Variants in ULK4 observed in about 807,000 individuals in gnomAD.
ULK4 encodes the protein unc-51 like kinase 4, also known as inactive serine/threonine-protein kinase ULK4.
A neutral mutation model predicts 160.6 loss-of-function variants in ULK4; 133 were observed. The ratio of observed to expected loss-of-function variants is 0.83; its 90% CI spans 0.72 to 0.96. The LOEUF (loss-of-function observed/expected upper bound fraction) is 0.96, where lower values mean the gene tolerates loss of function less well. Ranked by LOEUF, ULK4 falls within the 40% of genes least tolerant of loss-of-function variation. The pLI, the probability that ULK4 is intolerant of heterozygous loss-of-function variation, is 0.00. For missense variants in ULK4, 1,580 were observed against 1,499.5 expected (o/e 1.05, Z -0.89); for synonymous variants, 534 against 539.8 (o/e 0.99, Z 0.15).
At chr3:41,378,526 G>A (rs571546056) in intron 35 of ULK4, among the ~76,000 whole-genome samples, 11 of 149,530 alleles carry the variant, frequency 7.4e-5, no homozygotes, top group East Asian at 2.1e-4. Flanking sequence ...GCAAACTATC[G>A]CAAGGACAAA....
rs180771173 is a variant in ULK4, at chr3:41,789,960, T to C, written c.2011-117A>G. 63 of 948,660 alleles carry C rather than the reference T, an allele frequency of 6.6e-5. No homozygotes were observed. In the African/African-American group the frequency reaches 9.8e-4, roughly 15 times the overall value. The allele number at this position is 948,660 out of a possible 1,614,324, so 58.8% of individuals were successfully genotyped here. A position where few individuals can be genotyped will look rare whatever the true frequency, so the allele number is the denominator to read the frequency against. On this transcript the variant is annotated intron_variant, in intron 20 of 36. Transcript: ENST00000301831. ...GAAGGTGCTTACTTGGCTCTTTTAT[T>C]ACTTATTTTGGCACAAGAAAGTTGG...
intron 30 of ULK4, among the ~76,000 whole-genome samples, chr3:41,653,484 C>G (rs1345335753): frequency 6.6e-6 from 1 of 152,188 alleles, no homozygotes; most frequent in Non-Finnish European, 1.5e-5. Flanking sequence ...GTCTCCTGAT[C>G]TACTGGCCTC....
At chr3:41,725,862 A>G (rs182011251) in intron 22 of ULK4, among the ~76,000 whole-genome samples, 2 of 152,338 alleles carry the variant, frequency 1.3e-5, no homozygotes, top group East Asian at 3.9e-4. Flanking sequence ...CAGCTAAAAC[A>G]CCAAACAATC....
chr3:41,848,093 G>A (rs574874432), intron 17 of ULK4, among the ~76,000 whole-genome samples: 1 of 152,246 alleles, frequency 6.6e-6, no homozygotes, highest in East Asian at 1.9e-4. Context: ...CATTCAAACT[G>A]GCATCTGTAA....
chr3:41,767,695 T>G (rs1039170402), intron 21 of ULK4, among the ~76,000 whole-genome samples: 1 of 152,126 alleles, frequency 6.6e-6, no homozygotes, highest in African/African-American at 2.4e-5. Context: ...GCAGCCAGTG[T>G]TGGAATGGTC....
chr3:41,954,526 G>A (rs1223897453), intron 2 of ULK4, 96 bp downstream of exon 2: 1 of 1,399,812 alleles, frequency 7.1e-7, no homozygotes, highest in Non-Finnish European at 9.7e-7. Context: ...TGTGGCATTT[G>A]ATATATCAAA....
intron 27 of ULK4, among the ~76,000 whole-genome samples, chr3:41,703,935 T>C (rs1472457897): frequency 6.6e-6 from 1 of 151,520 alleles, no homozygotes; most frequent in Non-Finnish European, 1.5e-5. Flanking sequence ...GGAAACAAAC[T>C]GAAGAATTCA....
At chr3:41,517,426 T>C (rs1307669757) in intron 32 of ULK4, among the ~76,000 whole-genome samples, 1 of 152,150 alleles carries the variant, frequency 6.6e-6, no homozygotes, top group Non-Finnish European at 1.5e-5. Context: ...GGAGGGCCCT[T>C]CTGTTCCCTT....
intron 34 of ULK4, among the ~76,000 whole-genome samples, chr3:41,422,498 A>G (rs2082684488): frequency 1.3e-5 from 2 of 152,128 alleles, no homozygotes; most frequent in African/African-American, 4.8e-5. Context: ...GTCAATTTTG[A>G]TAATTTATAC....
chr3:41,514,604 A>G (rs750306590), intron 32 of ULK4, among the ~76,000 whole-genome samples: 6 of 152,372 alleles, frequency 3.9e-5, no homozygotes, highest in South Asian at 2.1e-4. Context: ...AGCCATAAAA[A>G]CAATGAAATC....
intron 12 of ULK4, among the ~76,000 whole-genome samples, chr3:41,904,552 T>C (rs1430195539): frequency 1.3e-5 from 2 of 152,234 alleles, no homozygotes; most frequent in Non-Finnish European, 2.9e-5. Flanking sequence ...TATAACCATC[T>C]GCCAGAAGAG....
intron 29 of ULK4, among the ~76,000 whole-genome samples, chr3:41,667,582 A>C (rs1362089346): frequency 6.6e-6 from 1 of 152,160 alleles, no homozygotes; most frequent in Non-Finnish European, 1.5e-5. Context: ...AGGGAAGACT[A>C]ACCAGTGAAG....
At chr3:41,948,734 A>C (rs1348691602) in intron 2 of ULK4, among the ~76,000 whole-genome samples, 14 of 151,310 alleles carry the variant, frequency 9.3e-5, no homozygotes, top group African/African-American at 3.2e-4. Flanking sequence ...AAAAAAAAAA[A>C]AAAACTCCAA....
At chr3:41,898,627 T>A in intron 13 of ULK4, 135 bp from the exon 14 acceptor site, 1 of 570,264 alleles carries the variant, frequency 1.8e-6, no homozygotes, top group South Asian at 2.7e-5. Flanking sequence ...CCAAAAAGAA[T>A]AAGAACAATG....
intron 34 of ULK4, among the ~76,000 whole-genome samples, chr3:41,429,142 T>G (rs929139090): frequency 1.3e-5 from 2 of 150,930 alleles, no homozygotes; most frequent in African/African-American, 4.9e-5. Context: ...AACAAAAATA[T>G]GAAAAAAAGG....
At chr3:41,865,774 C>T (rs1488462655) in intron 17 of ULK4, among the ~76,000 whole-genome samples, 3 of 151,808 alleles carry the variant, frequency 2.0e-5, no homozygotes, top group Admixed American at 2.0e-4. Context: ...ACCTAACTCC[C>T]TATACAAAAT....
At chr3:41,897,034 TATG>T in intron 14 of ULK4, 31 bp from the exon 15 acceptor site, 1 of 1,555,044 alleles carries the variant, frequency 6.4e-7, no homozygotes, top group Non-Finnish European at 8.8e-7. Context: ...TAAAAGTACA[TATG>T]ATGAGAAAAA....
chr3:41,887,697 T>C (rs1665176397), intron 16 of ULK4, among the ~76,000 whole-genome samples: 1 of 151,846 alleles, frequency 6.6e-6, no homozygotes, highest in Non-Finnish European at 1.5e-5. Flanking sequence ...GGTGGGCGCC[T>C]GCAATCCCAG....
chr3:41,873,930 TCAA>T (rs1697209860), intron 17 of ULK4, among the ~76,000 whole-genome samples: 1 of 151,480 alleles, frequency 6.6e-6, no homozygotes, highest in African/African-American at 2.4e-5. Flanking sequence ...CAAGATTATC[TCAA>T]CAGCTAAATT....
Sources: gnomAD v4.1 joint callset for allele counts (sites outside exome capture counted in the v4.1 genomes callset) on GRCh38, gnomAD v4.1.1 for gene constraint, MANE v1.5 for transcripts, NCBI Gene and HGNC (gene_info 2026-07-23, HGNC 2026-07-21) for gene names.